HOMER2: variants seen among roughly 807,000 people sequenced by gnomAD.
The protein encoded by HOMER2 is homer protein homolog 2.
A neutral mutation model predicts 47.0 loss-of-function variants in HOMER2; 27 were observed. That is an observed-to-expected ratio of 0.57 (90% CI 0.42 to 0.79). HOMER2 has a LOEUF of 0.79. HOMER2 is among the 30% of genes least tolerant of loss of function. The pLI is 0.00. For synonymous variants in HOMER2, 161 were observed against 163.8 expected (o/e 0.98, Z 0.13); for missense variants, 443 against 435.0 (o/e 1.02, Z -0.16).
intron 1 of HOMER2, among the ~76,000 whole-genome samples, chr15:82,944,740 G>GT (rs1010742326): frequency 7.6e-4 from 111 of 146,048 alleles, no homozygotes; most frequent in East Asian, 1.6e-3. Context: ...TTTGCCCACG[G>GT]TTTTTTTTTT....
chr15:82,964,772 A>AAAAAC (rs1246197624), intron 1 of HOMER2, among the ~76,000 whole-genome samples: 2 of 152,168 alleles, frequency 1.3e-5, no homozygotes, highest in African/African-American at 4.8e-5. Flanking sequence ...TCCATCTCAA[A>AAAAAC]AAAACAAAAC....
At chr15:82,981,996 T>C (rs1339084795) in intron 1 of HOMER2, among the ~76,000 whole-genome samples, 1 of 152,242 alleles carries the variant, frequency 6.6e-6, no homozygotes, top group Non-Finnish European at 1.5e-5. Flanking sequence ...GTTAAAATGG[T>C]AATTTTTATG....
At chr15:82,861,867 G>A (rs1159260345) in intron 4 of HOMER2, among the ~76,000 whole-genome samples, 3 of 152,008 alleles carry the variant, frequency 2.0e-5, no homozygotes, top group African/African-American at 2.4e-5. Context: ...AAAATTAGTC[G>A]GGTGTGGTGG....
chr15:82,941,963 C>T (rs542668667), intron 1 of HOMER2, among the ~76,000 whole-genome samples: 2 of 152,214 alleles, frequency 1.3e-5, no homozygotes, highest in East Asian at 1.9e-4. Context: ...CAGTGAATGG[C>T]CAGGCAAAGA....
chr15:82,875,640 T>C (rs1233153238), intron 2 of HOMER2, among the ~76,000 whole-genome samples: 3 of 152,174 alleles, frequency 2.0e-5, no homozygotes, highest in Non-Finnish European at 4.4e-5. Context: ...CAGTCTAAAA[T>C]AAGATCCTAC....
At chr15:82,854,623 C>G (rs1341551770) in intron 6 of HOMER2, 21 bp downstream of exon 6, 1 of 1,601,160 alleles carries the variant, frequency 6.2e-7, no homozygotes, top group Admixed American at 1.7e-5. Context: ...CCTCGGGGCT[C>G]ACTGCATCCA....
At chr15:82,962,424 T>G (rs191891591) in intron 1 of HOMER2, among the ~76,000 whole-genome samples, 4 of 149,834 alleles carry the variant, frequency 2.7e-5, no homozygotes, top group African/African-American at 9.8e-5. Flanking sequence ...CACCTGTAAT[T>G]GCAGCACCGT....
intron 1 of HOMER2, chr15:82,925,903 C>G (rs991343877): frequency 2.0e-5 from 3 of 152,022 alleles, no homozygotes; most frequent in African/African-American, 7.3e-5. Context: ...CCCCTCATTT[C>G]TCAATGATTT....
chr15:82,883,163 C>A (rs1404325855), intron 2 of HOMER2, among the ~76,000 whole-genome samples: 5 of 6,882 alleles, frequency 7.3e-4, no homozygotes, highest in Admixed American at 1.8e-3. Flanking sequence ...TTTGTTCTTG[C>A]GATAGTTTAC....
chr15:82,965,916 G>A (rs949229257), intron 1 of HOMER2, among the ~76,000 whole-genome samples: 20 of 152,012 alleles, frequency 1.3e-4, no homozygotes, highest in Non-Finnish European at 2.4e-4. Flanking sequence ...GCAATATGGC[G>A]AAACCCATCA....
At chr15:82,892,243 A>G (rs2052733907) in intron 2 of HOMER2, among the ~76,000 whole-genome samples, 1 of 152,204 alleles carries the variant, frequency 6.6e-6, no homozygotes, top group African/African-American at 2.4e-5. Flanking sequence ...ACCCTTCTGG[A>G]AAACAATCTG....
chr15:82,977,525 T>C (rs541703804), intron 1 of HOMER2, among the ~76,000 whole-genome samples: 1 of 151,474 alleles, frequency 6.6e-6, no homozygotes, highest in East Asian at 2.0e-4. Context: ...CTCAAATCAG[T>C]TTTAGAGCTG....
intron 1 of HOMER2, among the ~76,000 whole-genome samples, chr15:82,929,852 T>A (rs1350045714): frequency 6.6e-6 from 1 of 151,456 alleles, no homozygotes; most frequent in Non-Finnish European, 1.5e-5. Flanking sequence ...TACCTCAGCC[T>A]CCCGAGTAGC....
intron 1 of HOMER2, among the ~76,000 whole-genome samples, chr15:82,899,540 T>C (rs1457457958): frequency 6.6e-6 from 1 of 152,178 alleles, no homozygotes; most frequent in Non-Finnish European, 1.5e-5. Flanking sequence ...CATATTGGAG[T>C]TCTACTTTTA....
At chr15:82,978,064 C>A (rs62011743) in intron 1 of HOMER2, among the ~76,000 whole-genome samples, 1 of 152,090 alleles carries the variant, frequency 6.6e-6, no homozygotes, top group Non-Finnish European at 1.5e-5. Flanking sequence ...GCAGGAAAAT[C>A]GCTTGAACCC....
chr15:82,966,297 G>A (rs2054674473), intron 1 of HOMER2, among the ~76,000 whole-genome samples: 2 of 152,160 alleles, frequency 1.3e-5, no homozygotes. Flanking sequence ...CTAAAACACG[G>A]AGAAAGAGGA....
intron 1 of HOMER2, among the ~76,000 whole-genome samples, chr15:82,894,823 A>AC: frequency 6.8e-6 from 1 of 147,498 alleles, no homozygotes; most frequent in East Asian, 2.1e-4. Context: ...TAGACAAGAT[A>AC]CAAAAAAAAA....
At chr15:82,973,672 T>C (rs560639525) in intron 1 of HOMER2, among the ~76,000 whole-genome samples, 2 of 152,334 alleles carry the variant, frequency 1.3e-5, no homozygotes, top group Non-Finnish European at 2.9e-5. Flanking sequence ...AGAAAACACA[T>C]CATAGTTCAT....
chr15:82,854,500 G>A (rs577503370), intron 6 of HOMER2, 144 bp downstream of exon 6: 17 of 731,526 alleles, frequency 2.3e-5, no homozygotes, highest in African/African-American at 3.5e-5. Flanking sequence ...GGGGAGGGAC[G>A]TTCCCATGGG....
Sources: gnomAD v4.1 joint callset for allele counts (sites outside exome capture counted in the v4.1 genomes callset) on GRCh38, gnomAD v4.1.1 for gene constraint, MANE v1.5 for transcripts, NCBI Gene and HGNC (gene_info 2026-07-23, HGNC 2026-07-21) for gene names.